The following SDK1 variants were observed in gnomAD, a reference collection of about 807,000 sequenced individuals.
SDK1 encodes the protein protein sidekick-1.
SDK1 carries 157 observed loss-of-function variants against 245.5 expected under a neutral mutation model. The observed-to-expected ratio is 0.64, with a 90% confidence interval of 0.56 to 0.73. The LOEUF (loss-of-function observed/expected upper bound fraction) is 0.73, where lower values mean the gene tolerates loss of function less well. SDK1 is among the 30% of genes least tolerant of loss of function. The probability of loss-of-function intolerance (pLI) is 0.00; values close to 1 mark genes in which losing one functional copy is unlikely to be tolerated. For synonymous variants in SDK1, 1,647 were observed against 1,278.5 expected (o/e 1.29, Z -6.15); for missense variants, 3,583 against 3,002.3 (o/e 1.19, Z -4.52).
At chr7:4,190,637 G>A (rs768965564) in intron 35 of SDK1, among the ~76,000 whole-genome samples, 2 of 152,246 alleles carry the variant, frequency 1.3e-5, no homozygotes, top group African/African-American at 2.4e-5. Context: ...CGCTGCACCC[G>A]GCCCACAGCA....
intron 1 of SDK1, among the ~76,000 whole-genome samples, chr7:3,611,141 T>G (rs1263964538): frequency 6.6e-6 from 1 of 152,062 alleles, no homozygotes; most frequent in Non-Finnish European, 1.5e-5. Flanking sequence ...GGTGGGTAAT[T>G]TATTTATTTA....
intron 1 of SDK1, among the ~76,000 whole-genome samples, chr7:3,597,196 C>T (rs965197096): frequency 4.7e-5 from 7 of 149,682 alleles, no homozygotes; most frequent in Non-Finnish European, 5.9e-5. Flanking sequence ...GGCGTGAACC[C>T]GGGAGGCGGA....
At chr7:3,848,583 T>C (rs890777317) in intron 5 of SDK1, among the ~76,000 whole-genome samples, 2 of 152,114 alleles carry the variant, frequency 1.3e-5, no homozygotes, top group Admixed American at 6.5e-5. Context: ...TTTGAAAAGT[T>C]CATAGAGTAC....
chr7:3,434,198 C>G (rs1043099429), intron 1 of SDK1, among the ~76,000 whole-genome samples: 1 of 152,160 alleles, frequency 6.6e-6, no homozygotes, highest in Non-Finnish European at 1.5e-5. Context: ...GTACTACTCA[C>G]TCTACCAGGC....
intron 1 of SDK1, among the ~76,000 whole-genome samples, chr7:3,547,455 T>C (rs73037614): frequency 0.034 from 5,124 of 152,326 alleles, 130 homozygotes; most frequent in African/African-American, 0.06. Context: ...ACTGCCGTTA[T>C]GATTAATAAA....
chr7:3,490,785 T>G (rs1781841274), intron 1 of SDK1, among the ~76,000 whole-genome samples: 1 of 152,206 alleles, frequency 6.6e-6, no homozygotes, highest in Non-Finnish European at 1.5e-5. Flanking sequence ...TGGAGGGGGC[T>G]GCACATCCCA....
intron 1 of SDK1, among the ~76,000 whole-genome samples, chr7:3,595,148 C>A (rs907901656): frequency 6.6e-6 from 1 of 151,968 alleles, no homozygotes; most frequent in African/African-American, 2.4e-5. Flanking sequence ...TTTTTTGAAT[C>A]TTGCCTGAAT....
chr7:3,950,384 C>A (rs551862080), intron 5 of SDK1, among the ~76,000 whole-genome samples: 1 of 152,258 alleles, frequency 6.6e-6, no homozygotes, highest in Non-Finnish European at 1.5e-5. Context: ...TCTGCCCTTT[C>A]ACTTTCTGTG....
chr7:3,770,627 C>A (rs995286554), intron 4 of SDK1, among the ~76,000 whole-genome samples: 2 of 152,112 alleles, frequency 1.3e-5, no homozygotes, highest in African/African-American at 2.4e-5. Flanking sequence ...GAGAGATTCC[C>A]CCTTGCTGTG....
chr7:3,971,970 C>T (rs1782519045), intron 12 of SDK1, among the ~76,000 whole-genome samples: 1 of 151,822 alleles, frequency 6.6e-6, no homozygotes, highest in Non-Finnish European at 1.5e-5. Context: ...ATAGTTTCAT[C>T]GTGAAATGGA....
intron 1 of SDK1, among the ~76,000 whole-genome samples, chr7:3,396,831 T>G (rs1360083101): frequency 6.6e-6 from 1 of 151,700 alleles, no homozygotes; most frequent in Non-Finnish European, 1.5e-5. Context: ...GATTAGATGG[T>G]CTAATTCATT....
chr7:3,583,990 C>T (rs909527191), intron 1 of SDK1, among the ~76,000 whole-genome samples: 10 of 152,100 alleles, frequency 6.6e-5, no homozygotes, highest in African/African-American at 2.4e-4. Context: ...CAGACTCCAC[C>T]CCAAGTCCAC....
At chr7:3,586,918 T>C (rs1780708775) in intron 1 of SDK1, among the ~76,000 whole-genome samples, 1 of 152,050 alleles carries the variant, frequency 6.6e-6, no homozygotes, top group African/African-American at 2.4e-5. Flanking sequence ...AAGGGTTCTG[T>C]AAGAGATTTT....
chr7:3,418,273 C>T (rs1046201611), intron 1 of SDK1, among the ~76,000 whole-genome samples: 3 of 151,814 alleles, frequency 2.0e-5, no homozygotes, highest in Non-Finnish European at 4.4e-5. Context: ...GCCGAGATTG[C>T]GCCATTGCAC....
chr7:4,048,180 C>T (rs1178059886), intron 17 of SDK1, among the ~76,000 whole-genome samples: 3 of 152,232 alleles, frequency 2.0e-5, no homozygotes, highest in East Asian at 3.9e-4. Context: ...CCGAGAAGAC[C>T]CTTGTTTTTC....
intron 35 of SDK1, among the ~76,000 whole-genome samples, chr7:4,203,531 T>A (rs543582130): frequency 0.14 from 18,235 of 131,534 alleles, 1,377 homozygotes; most frequent in Non-Finnish European, 0.18. Flanking sequence ...GTATTTTTTT[T>A]TTAAAAAAAA....
chr7:3,471,529 T>C (rs1243236212), intron 1 of SDK1, among the ~76,000 whole-genome samples: 1 of 152,182 alleles, frequency 6.6e-6, no homozygotes, highest in East Asian at 1.9e-4. Context: ...AAGTTAGCAA[T>C]ATGAGCCGTC....
chr7:4,240,384 C>T (rs901135848), intron 42 of SDK1, among the ~76,000 whole-genome samples: 1 of 152,122 alleles, frequency 6.6e-6, no homozygotes, highest in Non-Finnish European at 1.5e-5. Context: ...TGGCCTCACT[C>T]GACACCCCTC....
At chr7:3,471,912 G>A (rs180993554) in intron 1 of SDK1, among the ~76,000 whole-genome samples, 43 of 152,268 alleles carry the variant, frequency 2.8e-4, no homozygotes, top group African/African-American at 9.1e-4. Context: ...TTGAGGAAAG[G>A]TTTATTTTCC....
Sources: gnomAD v4.1 joint callset for allele counts (sites outside exome capture counted in the v4.1 genomes callset) on GRCh38, gnomAD v4.1.1 for gene constraint, MANE v1.5 for transcripts, NCBI Gene and HGNC (gene_info 2026-07-23, HGNC 2026-07-21) for gene names.